The following LRP1B variants were observed in gnomAD, a reference collection of about 807,000 sequenced individuals.
LRP1B encodes the protein low-density lipoprotein receptor-related protein 1B.
Under a neutral mutation model 556.6 loss-of-function variants are expected in LRP1B, and 217 were observed. That is an observed-to-expected ratio of 0.39 (90% CI 0.35 to 0.44). The LOEUF (loss-of-function observed/expected upper bound fraction) is 0.44, where lower values mean the gene tolerates loss of function less well. LRP1B is among the 20% of genes least tolerant of loss of function. The pLI, the probability that LRP1B is intolerant of heterozygous loss-of-function variation, is 1.00. For missense variants in LRP1B, 5,053 were observed against 5,620.8 expected, an observed-to-expected ratio of 0.90 and a Z score of 3.23; for synonymous variants, 2,047 against 1,865.8, an observed-to-expected ratio of 1.10 and a Z score of -2.50.
At chr2:141,591,060 T>C (rs1687316248) in intron 2 of LRP1B, among the ~76,000 whole-genome samples, 1 of 152,240 alleles carries the variant, frequency 6.6e-6, no homozygotes, top group African/African-American at 2.4e-5. Context: ...TCTGCCCTCC[T>C]GACTGTAATT....
chr2:141,937,128 G>A (rs551834401), intron 1 of LRP1B, among the ~76,000 whole-genome samples: 2 of 152,142 alleles, frequency 1.3e-5, no homozygotes, highest in South Asian at 2.1e-4. Flanking sequence ...GGTGGCTCAC[G>A]CTTGTAATCC....
intron 1 of LRP1B, among the ~76,000 whole-genome samples, chr2:142,020,781 A>C (rs892303946): frequency 6.6e-6 from 1 of 152,218 alleles, no homozygotes; most frequent in Non-Finnish European, 1.5e-5. Flanking sequence ...TTTAATTAGA[A>C]TTGGATTAGA....
chr2:141,502,362 A>T (rs1683747523), intron 2 of LRP1B, among the ~76,000 whole-genome samples: 1 of 152,208 alleles, frequency 6.6e-6, no homozygotes, highest in Non-Finnish European at 1.5e-5. Context: ...GAAATCCATT[A>T]AGGTTGAGGA....
Position 140,495,618 on chromosome 2 carries a change from G to A in LRP1B, c.8981C>T (p.Thr2994Ile), listed in dbSNP as rs751509218. The A allele has an allele frequency of 6.2e-7, 1 of 1,613,760 alleles. No homozygotes were observed. Among genetic ancestry groups the A allele is most frequent in the South Asian group, 1.1e-5 (1 of 91,064 alleles). ...ATCAGGTTGTATTTCATACCCATCTGTACAGAGGCACTTGTAAGTCCCGTA... is the reference window on the plus strand; with the variant it reads ...ATCAGGTTGTATTTCATACCCATCTATACAGAGGCACTTGTAAGTCCCGTA... Reference protein sequence around the residue: ...NTYGTYKCLCTDGYEIQPDNP... With the variant: ...NTYGTYKCLCIDGYEIQPDNP... Residue 2994 changes from threonine (T) to isoleucine (I), a missense_variant, in exon 56 of 91, where the codon ACA becomes ATA. By Grantham distance (89) the Thr-to-Ile change is moderately conservative. This residue lies in a region of LRP1B where 3,619 missense variants were observed against 3,931.9 expected (regional missense o/e 0.92). Coordinates refer to ENST00000389484, the MANE Select transcript of LRP1B (RefSeq NM_018557.3).
chr2:140,648,261 G>A (rs956749477), intron 41 of LRP1B, among the ~76,000 whole-genome samples: 39 of 152,036 alleles, frequency 2.6e-4, no homozygotes, highest in African/African-American at 6.3e-4. Flanking sequence ...GACACAGGGT[G>A]GGGAACGTCA....
chr2:141,923,764 G>T (rs538749940), intron 1 of LRP1B, among the ~76,000 whole-genome samples: 8 of 151,726 alleles, frequency 5.3e-5, no homozygotes, highest in African/African-American at 1.9e-4. Context: ...CAAGCTAAGT[G>T]AAAAATATAG....
chr2:140,898,652 A>G (rs558916676), intron 23 of LRP1B: 10 of 430,290 alleles, frequency 2.3e-5, no homozygotes, highest in African/African-American at 4.1e-5. Context: ...TGGTCTGCCT[A>G]ATGAGATTAT....
rs1054638536 is a variant in LRP1B at position 141,824,867 on chromosome 2, G to A, written c.83-14466C>T. On this transcript the variant is annotated intron_variant, in intron 1 of 90. Transcript: ENST00000389484. Reference sequence around the variant, plus strand: ...TCATCTCGAATTGTAATCCCAATGTGTCGAGGGAGGGACCTGCTGGGAGAT... The same window carrying A: ...TCATCTCGAATTGTAATCCCAATGTATCGAGGGAGGGACCTGCTGGGAGAT... Among the ~76,000 whole-genome samples the A allele has an allele frequency of 2.0e-5, 3 of 152,232 alleles. No homozygotes were observed. In the East Asian group the frequency reaches 5.8e-4, roughly 30 times the overall value.
chr2:141,182,595 T>C (rs1483468799), intron 7 of LRP1B, among the ~76,000 whole-genome samples: 5 of 152,030 alleles, frequency 3.3e-5, no homozygotes, highest in African/African-American at 1.2e-4. Flanking sequence ...CTGCAACATT[T>C]CAATACATAA....
intron 1 of LRP1B, among the ~76,000 whole-genome samples, chr2:142,050,839 G>A (rs1420097531): frequency 6.6e-6 from 1 of 152,026 alleles, no homozygotes; most frequent in Non-Finnish European, 1.5e-5. Flanking sequence ...TAGGAAATTA[G>A]GATACCTCCA....
chr2:141,973,878 A>G (rs368588790), intron 1 of LRP1B, among the ~76,000 whole-genome samples: 71 of 152,000 alleles, frequency 4.7e-4, no homozygotes, highest in African/African-American at 1.6e-3. Flanking sequence ...TTTGTTCTTT[A>G]TAAAACTATT....
intron 3 of LRP1B, among the ~76,000 whole-genome samples, chr2:141,389,798 T>C (rs1483196674): frequency 6.6e-6 from 1 of 152,044 alleles, no homozygotes; most frequent in Admixed American, 6.6e-5. Context: ...AAGGCAAACA[T>C]CCCAGTTAAA....
intron 5 of LRP1B, 115 bp downstream of exon 5, chr2:141,247,111 C>T (rs560174008): frequency 8.4e-7 from 1 of 1,188,948 alleles, no homozygotes; most frequent in Non-Finnish European, 1.2e-6. Context: ...AAAATGAAAG[C>T]AAATCTCTCT....
At chr2:142,059,465 CTT>C (rs2104888864) in intron 1 of LRP1B, among the ~76,000 whole-genome samples, 1 of 152,010 alleles carries the variant, frequency 6.6e-6, no homozygotes, top group African/African-American at 2.4e-5. Context: ...TGGGGAAGAA[CTT>C]AGTATAGATG....
chr2:141,515,645 C>T (rs1320017502), intron 2 of LRP1B, among the ~76,000 whole-genome samples: 1 of 152,086 alleles, frequency 6.6e-6, no homozygotes, highest in African/African-American at 2.4e-5. Context: ...TAAATTTTTA[C>T]TGGGGCTTTA....
At chr2:141,451,758 C>A (rs1221283651) in intron 3 of LRP1B, among the ~76,000 whole-genome samples, 1 of 152,132 alleles carries the variant, frequency 6.6e-6, no homozygotes, top group African/African-American at 2.4e-5. Flanking sequence ...ACTTAATTAT[C>A]CATCTTGGAC....
At chr2:141,846,338 G>T (rs1029450844) in intron 1 of LRP1B, among the ~76,000 whole-genome samples, 5 of 151,448 alleles carry the variant, frequency 3.3e-5, no homozygotes, top group Admixed American at 3.3e-4. Context: ...AGAAGAAATT[G>T]GGAATGTAAA....
intron 3 of LRP1B, among the ~76,000 whole-genome samples, chr2:141,293,001 A>T (rs922359267): frequency 2.0e-5 from 3 of 152,084 alleles, no homozygotes. Flanking sequence ...ATATATGGAT[A>T]TTCTACGTAC....
At chr2:141,984,138 C>T (rs537797159) in intron 1 of LRP1B, among the ~76,000 whole-genome samples, 36 of 151,206 alleles carry the variant, frequency 2.4e-4, no homozygotes, top group African/African-American at 8.8e-4. Flanking sequence ...CAAAGAGAGG[C>T]TTGCTGAAAG....
Sources: allele counts gnomAD v4.1 joint callset (sites outside exome capture counted in the v4.1 genomes callset), GRCh38; gene constraint gnomAD v4.1.1; regional missense constraint gnomAD v4.1.1; transcripts MANE v1.5; gene names NCBI Gene and HGNC (gene_info 2026-07-23, HGNC 2026-07-21).